The following TMEM9 variants were observed in gnomAD, a reference collection of about 807,000 sequenced individuals.
TMEM9 encodes the protein transmembrane protein 9.
In TMEM9, 13 loss-of-function variants were observed where a neutral mutation model predicts 22.8. The ratio of observed to expected loss-of-function variants is 0.57; its 90% CI spans 0.37 to 0.91. The LOEUF (loss-of-function observed/expected upper bound fraction) is 0.91. TMEM9 is among the 40% of genes least tolerant of loss of function. The probability of loss-of-function intolerance (pLI) is 0.01; values close to 1 mark genes in which losing one functional copy is unlikely to be tolerated. For synonymous variants in TMEM9, 88 were observed against 93.0 expected (o/e 0.95, Z 0.31); for missense variants, 182 against 238.1 (o/e 0.76, Z 1.55).
upstream of TMEM9, among the ~76,000 whole-genome samples, chr1:201,158,514 A>G (rs1429009197): frequency 2.0e-5 from 3 of 151,740 alleles, no homozygotes; most frequent in African/African-American, 7.3e-5. Flanking sequence ...ACATGTAGAG[A>G]AAGAGTCAAC....
upstream of TMEM9, among the ~76,000 whole-genome samples, chr1:201,158,009 G>C (rs1463023292): frequency 1.3e-5 from 2 of 152,218 alleles, no homozygotes; most frequent in Non-Finnish European, 2.9e-5. Flanking sequence ...TTATTCAGGT[G>C]GGCCCAATCT....
At chr1:201,137,422 A>G (rs143469599) in intron 4 of TMEM9, among the ~76,000 whole-genome samples, 1 of 151,932 alleles carries the variant, frequency 6.6e-6, no homozygotes, top group East Asian at 1.9e-4. Context: ...AGTCATTGAG[A>G]CTTTTTTCTG....
rs148541356 is a variant in TMEM9 at position 201,151,141 on chromosome 1, A to C, written c.158+620T>G. On this transcript the variant is annotated intron_variant, in intron 2 of 4. Coordinates refer to ENST00000367330, the MANE Select transcript of TMEM9 (RefSeq NM_001288565.2). ...TTCAATCAATCATCGTGTGTCCCCA[A>C]GTCCTCTCCTCTTTAGGCTTTCCTT... Among the ~76,000 whole-genome samples the C allele has an allele frequency of 3.0e-4, 45 of 152,294 alleles. No individual in the cohort carries two copies. In the South Asian group the frequency reaches 3.1e-3, roughly 11 times the overall value.
intron 4 of TMEM9, among the ~76,000 whole-genome samples, chr1:201,141,931 G>A (rs193295607): frequency 1.1e-4 from 16 of 152,264 alleles, no homozygotes; most frequent in African/African-American, 3.9e-4. Flanking sequence ...TGCATTCCAC[G>A]GAAATCATTG....
chr1:201,164,350 AAG>A (rs1267523628), intron 1 of TMEM9, among the ~76,000 whole-genome samples: 1 of 152,226 alleles, frequency 6.6e-6, no homozygotes, highest in Non-Finnish European at 1.5e-5. Context: ...ATCATTTAAT[AAG>A]ATGTTATAAG....
chr1:201,152,622 A>G (rs1459551275), intron 1 of TMEM9, among the ~76,000 whole-genome samples: 1 of 152,240 alleles, frequency 6.6e-6, no homozygotes, highest in African/African-American at 2.4e-5. Context: ...TTACACTTAC[A>G]GGGCATTTTT....
At chr1:201,168,305 T>G (rs1414220342) in intron 1 of TMEM9, among the ~76,000 whole-genome samples, 1 of 152,206 alleles carries the variant, frequency 6.6e-6, no homozygotes, top group Non-Finnish European at 1.5e-5. Flanking sequence ...GGGTTCTCAG[T>G]GTTATCCCCA....
chr1:201,168,943 CAT>C (rs1666146507), intron 1 of TMEM9, among the ~76,000 whole-genome samples: 1 of 149,136 alleles, frequency 6.7e-6, no homozygotes. Flanking sequence ...AAGCTTGTGC[CAT>C]AATGCCCAGC....
At position 201,146,732 on chromosome 1, in the gene TMEM9, G is replaced by T; in HGVS notation, c.267+8C>A. 1 of 1,613,892 alleles carries T rather than the reference G, an allele frequency of 6.2e-7. No homozygotes were observed. The highest frequency in any genetic ancestry group is 8.5e-7 in the Non-Finnish European group (1 of 1,179,752). ...AATCCCACTGGCTTCCTGAGACCCTGGCGTTACCTTGATGGTGGTGGTGCT... is the reference window on the plus strand; with the variant it reads ...AATCCCACTGGCTTCCTGAGACCCTTGCGTTACCTTGATGGTGGTGGTGCT... On this transcript the variant is annotated splice_region_variant and intron_variant, in intron 3 of 4. Transcript: ENST00000367330.
At chr1:201,156,774 A>C (rs952778297), upstream of TMEM9, among the ~76,000 whole-genome samples, 2 of 152,216 alleles carry the variant, frequency 1.3e-5, no homozygotes, top group African/African-American at 2.4e-5. Context: ...CTATTCATTA[A>C]ATTTAATTCC....
At chr1:201,139,988 C>T (rs1478324103) in intron 4 of TMEM9, among the ~76,000 whole-genome samples, 1 of 152,194 alleles carries the variant, frequency 6.6e-6, no homozygotes, top group Non-Finnish European at 1.5e-5. Context: ...AGGAGGCCGA[C>T]TGGATTGCCC....
chr1:201,164,237 G>GTGGATA (rs1666017110), intron 1 of TMEM9, among the ~76,000 whole-genome samples: 2 of 152,216 alleles, frequency 1.3e-5, no homozygotes, highest in Admixed American at 1.3e-4. Context: ...GCGGGTGGAG[G>GTGGATA]TGGATATGAC....
chr1:201,168,863 C>T (rs752169707), intron 1 of TMEM9, among the ~76,000 whole-genome samples: 43 of 152,000 alleles, frequency 2.8e-4, no homozygotes, highest in Non-Finnish European at 5.9e-4. Context: ...GCTATCATGG[C>T]TCACTGCAGC....
intron 1 of TMEM9, among the ~76,000 whole-genome samples, chr1:201,166,453 C>G (rs1338971388): frequency 6.6e-6 from 1 of 151,960 alleles, no homozygotes; most frequent in Non-Finnish European, 1.5e-5. Flanking sequence ...CCCTCTGCCT[C>G]CTGGGTTCAA....
chr1:201,170,862 G>T (rs548885604), intron 1 of TMEM9, among the ~76,000 whole-genome samples: 1 of 149,256 alleles, frequency 6.7e-6, no homozygotes, highest in Non-Finnish European at 1.5e-5. Flanking sequence ...TCACCACCCC[G>T]TCCAGTCTCC....
intron 2 of TMEM9, among the ~76,000 whole-genome samples, chr1:201,147,797 C>T (rs1033601121): frequency 5.9e-5 from 9 of 152,186 alleles, no homozygotes; most frequent in Non-Finnish European, 1.5e-5. Context: ...CCCTCACCCA[C>T]TTTCCCAACC....
intron 1 of TMEM9, among the ~76,000 whole-genome samples, chr1:201,161,500 C>T (rs1665947323): frequency 6.6e-6 from 1 of 152,126 alleles, no homozygotes; most frequent in Non-Finnish European, 1.5e-5. Context: ...GAATATGCTC[C>T]CAGGAACAGT....
chr1:201,156,443 T>C (rs1261409930), upstream of TMEM9, among the ~76,000 whole-genome samples: 2 of 152,166 alleles, frequency 1.3e-5, no homozygotes, highest in Non-Finnish European at 2.9e-5. Context: ...GCAAGCACCC[T>C]GTTGCATCCA....
At chr1:201,146,701 T>C in intron 3 of TMEM9, 39 bp downstream of exon 3, 4 of 1,579,208 alleles carry the variant, frequency 2.5e-6, no homozygotes, top group Non-Finnish European at 3.5e-6. Flanking sequence ...GAGAATGGCG[T>C]GTGGGAATCC....
Sources: gnomAD v4.1 joint callset for allele counts (sites outside exome capture counted in the v4.1 genomes callset) on GRCh38, gnomAD v4.1.1 for gene constraint, MANE v1.5 for transcripts, NCBI Gene and HGNC (gene_info 2026-07-23, HGNC 2026-07-21) for gene names.